LYSMD4: variants seen among roughly 807,000 people sequenced by gnomAD.
LYSMD4 encodes lysM and putative peptidoglycan-binding domain-containing protein 4.
LYSMD4 carries 9 observed loss-of-function variants against 6.1 expected under a neutral mutation model. That is an observed-to-expected ratio of 1.47 (90% CI 0.88 to 2.56). LYSMD4 has a LOEUF of 2.56. LYSMD4 is among the 30% of genes most tolerant of loss of function. The probability of loss-of-function intolerance (pLI) is 0.00; values close to 1 mark genes in which losing one functional copy is unlikely to be tolerated. For synonymous variants in LYSMD4, 143 were observed against 148.5 expected (o/e 0.96, Z 0.27); for missense variants, 384 against 373.5 (o/e 1.03, Z -0.23).
At chr15:99,715,946 CCCTTT>C (rs758660420) in exon 1 of LYSMD4, 41 of 153,286 alleles carry the variant, frequency 2.7e-4, no homozygotes, top group Non-Finnish European at 4.8e-4. Context: ...ACATGTTTTA[CCCTTT>C]CCTTTAACTA....
chr15:99,716,622 G>T (rs2059173847), exon 1 of LYSMD4: 1 of 456,558 alleles, frequency 2.2e-6, no homozygotes, highest in Non-Finnish European at 4.4e-6. Flanking sequence ...TCTTTCTCTG[G>T]GTTGAGACAG....
upstream of LYSMD4, among the ~76,000 whole-genome samples, chr15:99,718,260 G>A (rs911359250): frequency 3.3e-5 from 5 of 152,206 alleles, no homozygotes; most frequent in Admixed American, 6.5e-5. Flanking sequence ...ATTTTGGCGG[G>A]AAAACCACAG....
At position 99,729,229 on chromosome 15, in the gene LYSMD4, A is replaced by G. The variant is rs1439222343; in HGVS notation, c.785T>C (p.Met262Thr). 8 of 1,614,250 alleles carry G rather than the reference A, an allele frequency of 5.0e-6. No individual in the cohort carries two copies. Among genetic ancestry groups the G allele is most frequent in the Non-Finnish European group, 5.9e-6 (7 of 1,180,034 alleles). The part of the protein sequence containing the change: ...LNTTVIPNGS[M>T]AMGTVPGQAP... ...TTGCCCTGGAACTGTACCCATTGCC[A>G]TCGAGCCATTGGGGATGACAGTTGT... is the stretch of plus-strand genomic sequence containing the variant. Residue 262 changes from methionine to threonine, a missense_variant, in exon 3 of 3, where the codon ATG becomes ACG. Transcript: ENST00000684762.
rs2059301281 is a variant in LYSMD4 at position 99,727,590 on chromosome 15, T to C, written c.*1533A>G. 1 of 152,204 alleles carries C rather than the reference T, an allele frequency of 6.6e-6. No individual in the cohort carries two copies. Among genetic ancestry groups the C allele is most frequent in the South Asian group, 2.1e-4 (1 of 4,824 alleles). The allele number at this position is 152,204 out of a possible 1,614,324, so 9.4% of individuals were successfully genotyped here. ...CACAGACATTTGGCTGGGAAAGCAC[T>C]TGCATGATCGAAACATTTCCTATTG... On this transcript the variant is annotated 3_prime_UTR_variant, in exon 3 of 3. Transcript: ENST00000684762.
downstream of LYSMD4, among the ~76,000 whole-genome samples, chr15:99,723,040 T>TG (rs2059249183): frequency 6.6e-6 from 1 of 151,624 alleles, no homozygotes; most frequent in African/African-American, 2.4e-5. Context: ...TGTTTTGTTT[T>TG]TTTTTTAAAA....
intron 2 of LYSMD4, 48 bp from the exon 3 acceptor site, chr15:99,729,779 A>AAAAT: frequency 6.5e-7 from 1 of 1,532,866 alleles, no homozygotes; most frequent in African/African-American, 1.4e-5. Flanking sequence ...GAGCTCCTTA[A>AAAAT]AAATAACTTT....
At chr15:99,731,035 G>C (rs897318943) in intron 2 of LYSMD4, 7 of 758,244 alleles carry the variant, frequency 9.2e-6, no homozygotes, top group Non-Finnish European at 1.3e-5. Context: ...ACACTTGTAG[G>C]AGAAAGAGAT....
chr15:99,717,208 G>A (rs1303087184), exon 1 of LYSMD4: 1 of 153,702 alleles, frequency 6.5e-6, no homozygotes, highest in African/African-American at 2.4e-5. Flanking sequence ...AGCAGGTTTT[G>A]AAAGCTGGTT....
In LYSMD4 at chr15:99,729,379, G is replaced by T. The variant is rs375247885; in HGVS notation, c.635C>A (p.Ala212Glu). The T allele has an allele frequency of 6.2e-7, 1 of 1,614,084 alleles. No individual in the cohort carries two copies. The highest frequency in any genetic ancestry group is 1.3e-5 in the African/African-American group (1 of 74,936). The stretch of plus-strand genomic sequence containing the variant: ...ATTCCACCACTGAATGCCACAATCT[G>T]CACCATCCATAGGCGTCTTCGGAGG... ...PAPPKTPMDGADCGIQWWNAV... is the reference protein window; with the variant it reads ...PAPPKTPMDGEDCGIQWWNAV... The change falls in exon 3 of 3, where the codon GCA becomes GAA. Residue 212 changes from alanine to glutamate, a missense_variant. By Grantham distance (107) the Ala-to-Glu change is moderately radical (BLOSUM62 -1). Transcript: ENST00000684762.
At chr15:99,731,628 T>C in intron 2 of LYSMD4, 90 bp downstream of exon 2, 1 of 1,522,892 alleles carries the variant, frequency 6.6e-7, no homozygotes, top group Non-Finnish European at 8.8e-7. Context: ...CCTGGCAGGG[T>C]TAAGAAGGGC....
downstream of LYSMD4, among the ~76,000 whole-genome samples, chr15:99,723,431 T>C (rs544828319): frequency 6.6e-6 from 1 of 152,372 alleles, no homozygotes; most frequent in East Asian, 1.9e-4. Context: ...CTCTTTCTTA[T>C]TGTGGTAACT....
downstream of LYSMD4, chr15:99,727,366 C>G (rs966353445): frequency 9.2e-5 from 14 of 152,040 alleles, no homozygotes; most frequent in African/African-American, 2.7e-4. Context: ...AGGAGTGAGA[C>G]TGTCTCCAAA....
chr15:99,731,520 T>TG, intron 2 of LYSMD4, 198 bp downstream of exon 2: 2 of 1,566,184 alleles, frequency 1.3e-6, no homozygotes, highest in Non-Finnish European at 1.7e-6. Context: ...CCTCCCTCTT[T>TG]GGGGGCCAGG....
upstream of LYSMD4, among the ~76,000 whole-genome samples, chr15:99,718,058 ACCTT>A (rs1449072728): frequency 6.6e-6 from 1 of 152,222 alleles, no homozygotes; most frequent in Non-Finnish European, 1.5e-5. Flanking sequence ...TTAACTAAAT[ACCTT>A]ACTTGAATCT....
chr15:99,731,871 A>G lies in LYSMD4; in HGVS notation c.129T>C (p.Ser43=), dbSNP rs751276926. The change falls in exon 2 of 3, where the codon TCT becomes TCC. Residue 43 remains serine, a synonymous_variant. Transcript: ENST00000684762. ...GDSGDSSEEE[S]HRVVLRPRGK... ...CCCGGGGCCGCAAAACCACACGGTGAGACTCTTCTTCAGAAGAGTCCCCCG... is the reference window on the plus strand; with the variant it reads ...CCCGGGGCCGCAAAACCACACGGTGGGACTCTTCTTCAGAAGAGTCCCCCG... 23 of 1,613,496 alleles carry G rather than the reference A, an allele frequency of 1.4e-5. No homozygotes were observed. The highest frequency in any genetic ancestry group is 1.9e-5 in the Non-Finnish European group (22 of 1,180,038).
At chr15:99,726,213 G>A (rs1488532146), downstream of LYSMD4, among the ~76,000 whole-genome samples, 2 of 126,810 alleles carry the variant, frequency 1.6e-5, no homozygotes, top group South Asian at 2.6e-4. Flanking sequence ...GCCCGATCTC[G>A]GCTCACTGCA....
In LYSMD4 at chr15:99,733,384, T is replaced by TCGCGACCCGCGACCCGCGACC; in HGVS notation, c.-69_-49dup. On this transcript the variant is annotated 5_prime_UTR_variant, in exon 1 of 3. Transcript: ENST00000684762. Reference sequence around the variant, plus strand: ...TCCGCCGCGACCGGCGACCGGCGACTCGCGACCCGCGACCCGCGACCCGCA... The same window carrying TCGCGACCCGCGACCCGCGACC: ...TCCGCCGCGACCGGCGACCGGCGACTCGCGACCCGCGACCCGCGACCCGCGACCCGCGACCCGCGACCCGCA... 2.5e-6 allele frequency: 1 copy of TCGCGACCCGCGACCCGCGACC among 395,324 alleles called. No individual in the cohort carries two copies. Among genetic ancestry groups the TCGCGACCCGCGACCCGCGACC allele is most frequent in the Non-Finnish European group, 4.5e-6 (1 of 224,006 alleles). The allele number at this position is 395,324 out of a possible 1,614,324, so 24.5% of individuals were successfully genotyped here.
chr15:99,725,279 T>G (rs10902550), downstream of LYSMD4, among the ~76,000 whole-genome samples: 1 of 152,142 alleles, frequency 6.6e-6, no homozygotes, highest in Non-Finnish European at 1.5e-5. Context: ...CAATTGTATT[T>G]CCATTATCTC....
chr15:99,724,531 C>T (rs1434278169), downstream of LYSMD4, among the ~76,000 whole-genome samples: 2 of 152,224 alleles, frequency 1.3e-5, no homozygotes, highest in Admixed American at 6.5e-5. Context: ...TTCCAAAGTG[C>T]TGGGATTACA....
Sources: allele counts gnomAD v4.1 joint callset (sites outside exome capture counted in the v4.1 genomes callset), GRCh38; gene constraint gnomAD v4.1.1; transcripts MANE v1.5; gene names NCBI Gene and HGNC (gene_info 2026-07-23, HGNC 2026-07-21).